LPP: variants seen among roughly 807,000 people sequenced by gnomAD.
LPP encodes lipoma-preferred partner.
In LPP, 38 loss-of-function variants were observed where a neutral mutation model predicts 60.4. The observed-to-expected ratio is 0.63, with a 90% CI of 0.49 to 0.83. The LOEUF (loss-of-function observed/expected upper bound fraction) is 0.83, where lower values mean the gene tolerates loss of function less well. Among genes scored for constraint, LPP ranks in the 40% least tolerant of loss-of-function variants. LPP has a pLI of 0.00. For synonymous variants in LPP, 328 were observed against 290.8 expected (o/e 1.13, Z -1.30); for missense variants, 902 against 783.6 (o/e 1.15, Z -1.80).
chr3:188,867,822 G>T (rs1490223208), intron 10 of LPP, among the ~76,000 whole-genome samples: 1 of 152,162 alleles, frequency 6.6e-6, no homozygotes, highest in African/African-American at 2.4e-5. Context: ...TGGCTTCCAA[G>T]TGTGAAGTCT....
intron 7 of LPP, chr3:188,688,721 G>C (rs1861419628): frequency 2.2e-6 from 1 of 460,530 alleles, no homozygotes; most frequent in Non-Finnish European, 4.4e-6. Context: ...CACTTATTAA[G>C]TGCCTTTTGC....
chr3:188,237,758 A>G (rs1713834710), intron 2 of LPP, among the ~76,000 whole-genome samples: 1 of 151,814 alleles, frequency 6.6e-6, no homozygotes, highest in South Asian at 2.1e-4. Context: ...AGGCTTTGTC[A>G]TTCCATTTAT....
At chr3:188,376,443 C>A (rs868811434) in intron 3 of LPP, among the ~76,000 whole-genome samples, 1 of 152,178 alleles carries the variant, frequency 6.6e-6, no homozygotes, top group Middle Eastern at 3.4e-3. Context: ...TGAATTGATC[C>A]CTTTACAATT....
chr3:188,851,142 A>C (rs1053520029), intron 9 of LPP, among the ~76,000 whole-genome samples: 2 of 152,200 alleles, frequency 1.3e-5, no homozygotes, highest in Admixed American at 1.3e-4. Context: ...GGGCTGGAAA[A>C]ACACTGACTG....
intron 6 of LPP, among the ~76,000 whole-genome samples, chr3:188,563,671 C>T (rs1448973068): frequency 6.7e-6 from 1 of 150,038 alleles, no homozygotes; most frequent in East Asian, 2.0e-4. Context: ...AGCTTCCTTG[C>T]ATATGTATCT....
chr3:188,523,182 C>T (rs1056598896), intron 5 of LPP, among the ~76,000 whole-genome samples: 1 of 152,122 alleles, frequency 6.6e-6, no homozygotes, highest in African/African-American at 2.4e-5. Context: ...GCTGAGATTA[C>T]AGGCATGAGC....
intron 6 of LPP, among the ~76,000 whole-genome samples, chr3:188,581,953 G>C (rs548779164): frequency 7.4e-6 from 1 of 135,790 alleles, no homozygotes; most frequent in East Asian, 3.0e-4. Flanking sequence ...CTTTCGGTAG[G>C]CTTTTTTCAG....
intron 9 of LPP, among the ~76,000 whole-genome samples, chr3:188,782,447 G>T (rs1320932787): frequency 6.6e-6 from 1 of 152,090 alleles, no homozygotes; most frequent in Non-Finnish European, 1.5e-5. Flanking sequence ...TCTATAAAAG[G>T]AGGTTAATAA....
intron 1 of LPP, among the ~76,000 whole-genome samples, chr3:188,174,361 G>A (rs1299917247): frequency 1.3e-5 from 2 of 152,208 alleles, no homozygotes; most frequent in Non-Finnish European, 2.9e-5. Context: ...ATACAAACTC[G>A]TGGGCAGTAT....
At chr3:188,738,551 T>A (rs1723306809) in intron 8 of LPP, among the ~76,000 whole-genome samples, 1 of 152,192 alleles carries the variant, frequency 6.6e-6, no homozygotes. Context: ...TTAAAGCTCT[T>A]TAATTTACTG....
chr3:188,659,147 TAGGTAGC>T (rs779104656), intron 7 of LPP, among the ~76,000 whole-genome samples: 28 of 152,206 alleles, frequency 1.8e-4, no homozygotes, highest in Non-Finnish European at 3.5e-4. Flanking sequence ...AATAACCTGT[TAGGTAGC>T]AGGGATAATT....
chr3:188,230,958 G>T (rs771753837), intron 2 of LPP, among the ~76,000 whole-genome samples: 2 of 152,116 alleles, frequency 1.3e-5, no homozygotes, highest in Non-Finnish European at 2.9e-5. Flanking sequence ...CACATCGCAT[G>T]ATGGTTGGCA....
At chr3:188,667,673 C>T (rs1053171552) in intron 7 of LPP, among the ~76,000 whole-genome samples, 1 of 148,724 alleles carries the variant, frequency 6.7e-6, no homozygotes, top group Non-Finnish European at 1.5e-5. Context: ...ATCTAGTGTG[C>T]TAATCTTTTT....
intron 1 of LPP, among the ~76,000 whole-genome samples, chr3:188,201,040 A>G (rs1202483914): frequency 1.3e-5 from 2 of 152,150 alleles, no homozygotes; most frequent in Non-Finnish European, 2.9e-5. Flanking sequence ...ACAGCAGTTG[A>G]TTTGCAATTT....
chr3:188,263,863 G>A (rs779191160), intron 2 of LPP, among the ~76,000 whole-genome samples: 16 of 152,164 alleles, frequency 1.1e-4, no homozygotes, highest in South Asian at 4.1e-4. Context: ...AACTGTTGGC[G>A]TTCTCATTTT....
At chr3:188,403,646 C>T (rs1782750525) in intron 3 of LPP, among the ~76,000 whole-genome samples, 1 of 152,040 alleles carries the variant, frequency 6.6e-6, no homozygotes, top group Non-Finnish European at 1.5e-5. Flanking sequence ...TGGCATTTCT[C>T]AGCCATGTGA....
chr3:188,157,299 G>A lies in LPP; in HGVS notation c.-190+3047G>A, dbSNP rs73887366. ...TGCCCAAGGTCATATAGCTAATTAG[G>A]GATGTGTTCAAAATTACAACCCAGA... On this transcript the variant is annotated intron_variant, in intron 1 of 11. Transcript: ENST00000617246. Among the ~76,000 whole-genome samples the A allele has an allele frequency of 7.6e-3, 1,148 of 151,976 alleles. 24 individuals carry two copies. The highest frequency in any genetic ancestry group is 0.026 in the African/African-American group (1,082 of 41,446).
intron 5 of LPP, among the ~76,000 whole-genome samples, chr3:188,523,386 A>G (rs1819554538): frequency 6.6e-6 from 1 of 152,144 alleles, no homozygotes; most frequent in African/African-American, 2.4e-5. Flanking sequence ...TGACCAAAAC[A>G]CCAGATCCCT....
intron 1 of LPP, among the ~76,000 whole-genome samples, chr3:188,155,148 G>A (rs1236683494): frequency 2.0e-5 from 3 of 152,180 alleles, no homozygotes; most frequent in Admixed American, 6.5e-5. Flanking sequence ...CAGTGGAATT[G>A]TGCCTGGGTG....
Sources: gnomAD v4.1 joint callset for allele counts (sites outside exome capture counted in the v4.1 genomes callset) on GRCh38, gnomAD v4.1.1 for gene constraint, MANE v1.5 for transcripts, NCBI Gene and HGNC (gene_info 2026-07-23, HGNC 2026-07-21) for gene names.